NEDD4: variants seen among roughly 807,000 people sequenced by gnomAD.
NEDD4 encodes the protein E3 ubiquitin-protein ligase NEDD4.
In NEDD4, 99 loss-of-function variants were observed where a neutral mutation model predicts 144.9. The observed-to-expected ratio is 0.68, with a 90% confidence interval of 0.58 to 0.81. NEDD4 has a LOEUF of 0.81. Among genes scored for constraint, NEDD4 ranks in the 30% least tolerant of loss-of-function variants. NEDD4 has a pLI of 0.00. For synonymous variants in NEDD4, 318 were observed against 350.6 expected (o/e 0.91, Z 1.04); for missense variants, 985 against 1,065.9 (o/e 0.92, Z 1.06).
chr15:55,971,193 A>G (rs991258822), intron 1 of NEDD4, among the ~76,000 whole-genome samples: 8 of 152,246 alleles, frequency 5.3e-5, no homozygotes, highest in African/African-American at 1.2e-4. Flanking sequence ...GGCAGAATTG[A>G]TCACGCAGAA....
At chr15:55,873,629 C>A (rs2034885899) in intron 6 of NEDD4, among the ~76,000 whole-genome samples, 1 of 152,112 alleles carries the variant, frequency 6.6e-6, no homozygotes, top group Non-Finnish European at 1.5e-5. Flanking sequence ...TTGTCGTAAA[C>A]TATCTTAGTT....
At chr15:55,883,280 G>A (rs1313476207) in intron 5 of NEDD4, among the ~76,000 whole-genome samples, 1 of 152,184 alleles carries the variant, frequency 6.6e-6, no homozygotes, top group East Asian at 1.9e-4. Context: ...GGCAGGAGTG[G>A]CCACGGAGAG....
intron 5 of NEDD4, among the ~76,000 whole-genome samples, chr15:55,883,332 T>C (rs1442942154): frequency 6.6e-6 from 1 of 152,126 alleles, no homozygotes; most frequent in East Asian, 1.9e-4. Context: ...GGAAGAACTT[T>C]GTCTTATGGT....
In NEDD4 at chr15:55,916,801, C is replaced by A. The variant is rs1250155243; in HGVS notation, c.291+7845G>T. On this transcript the variant is annotated intron_variant, in intron 5 of 28. Coordinates refer to ENST00000435532, the MANE Select transcript of NEDD4 (RefSeq NM_006154.4). The stretch of plus-strand genomic sequence containing the variant: ...AAAGGGTAAGTATTGCTTCTTCTGG[C>A]TGCAAAGTGCAATCGTAAGCTTTGT... 3 of 1,608,178 alleles carry A rather than the reference C, an allele frequency of 1.9e-6. No individual in the cohort carries two copies. In the African/African-American group the frequency reaches 4.0e-5, roughly 21 times the overall value.
intron 22 of NEDD4, 78 bp from the exon 23 acceptor site, chr15:55,838,258 G>C (rs1299271559): frequency 9.9e-7 from 1 of 1,006,118 alleles, no homozygotes; most frequent in Non-Finnish European, 1.5e-6. Flanking sequence ...AGTTATACGA[G>C]AAACTTGGTG....
chr15:55,955,523 T>G (rs149317789), intron 2 of NEDD4, among the ~76,000 whole-genome samples: 4 of 152,144 alleles, frequency 2.6e-5, no homozygotes, highest in African/African-American at 9.7e-5. Context: ...TTTGATTCTA[T>G]GAATTTGACT....
chr15:55,912,333 A>T (rs529310500), intron 5 of NEDD4, among the ~76,000 whole-genome samples: 13 of 152,292 alleles, frequency 8.5e-5, no homozygotes, highest in African/African-American at 3.1e-4. Context: ...TCTTGAGATT[A>T]GTGTTAAAGG....
chr15:55,953,150 C>T (rs773418683), intron 2 of NEDD4, among the ~76,000 whole-genome samples: 1 of 151,594 alleles, frequency 6.6e-6, no homozygotes, highest in East Asian at 1.9e-4. Flanking sequence ...CCACCACGCC[C>T]GGCTAATTTT....
intron 4 of NEDD4, among the ~76,000 whole-genome samples, chr15:55,928,599 A>T (rs2142244088): frequency 6.6e-6 from 1 of 152,256 alleles, no homozygotes; most frequent in East Asian, 1.9e-4. Flanking sequence ...ACTTCTGAGC[A>T]TGTTAAGGTC....
At chr15:55,974,010 A>C (rs2037658610) in intron 1 of NEDD4, among the ~76,000 whole-genome samples, 1 of 152,128 alleles carries the variant, frequency 6.6e-6, no homozygotes, top group South Asian at 2.1e-4. Context: ...TTGAAAAGAT[A>C]AACAAAATAG....
At chr15:55,835,972 A>T (rs890089638) in intron 24 of NEDD4, among the ~76,000 whole-genome samples, 2 of 152,168 alleles carry the variant, frequency 1.3e-5, no homozygotes, top group Non-Finnish European at 2.9e-5. Flanking sequence ...GGCCCTGTAT[A>T]AGCTGGTCTG....
At chr15:55,956,408 CTA>C (rs2037338637) in intron 2 of NEDD4, among the ~76,000 whole-genome samples, 1 of 151,888 alleles carries the variant, frequency 6.6e-6, no homozygotes, top group Non-Finnish European at 1.5e-5. Context: ...GATTTTTTTC[CTA>C]TGTGTTCCTA....
chr15:55,886,625 G>T (rs1233007540), intron 5 of NEDD4, among the ~76,000 whole-genome samples: 1 of 151,938 alleles, frequency 6.6e-6, no homozygotes, highest in Non-Finnish European at 1.5e-5. Context: ...TTAGCAGAGC[G>T]TGCTGGTCTG....
intron 1 of NEDD4, among the ~76,000 whole-genome samples, chr15:55,970,289 G>A (rs1035694289): frequency 1.3e-5 from 2 of 152,136 alleles, no homozygotes; most frequent in African/African-American, 4.8e-5. Context: ...CTAATCCCAG[G>A]CCCCAACTCC....
chr15:55,917,135 C>G (rs2036475170), intron 5 of NEDD4: 1 of 1,118,502 alleles, frequency 8.9e-7, no homozygotes. Context: ...CTGCAGCACA[C>G]TGACTCAAAC....
intron 4 of NEDD4, among the ~76,000 whole-genome samples, chr15:55,930,330 T>C (rs1483035987): frequency 6.6e-6 from 1 of 152,158 alleles, no homozygotes; most frequent in Admixed American, 6.5e-5. Context: ...AATCACTGTA[T>C]GTTATCTATT....
chr15:55,987,782 T>C (rs2037917117), intron 1 of NEDD4: 1 of 85,868 alleles, frequency 1.2e-5, no homozygotes, highest in Admixed American at 1.2e-4. Context: ...CAGATAGTTG[T>C]AGATATGTGG....
chr15:55,833,843 A>AT (rs2033071808), intron 26 of NEDD4, among the ~76,000 whole-genome samples, 195 bp downstream of exon 26: 1 of 152,178 alleles, frequency 6.6e-6, no homozygotes, highest in Non-Finnish European at 1.5e-5. Flanking sequence ...CCTTCTGAAC[A>AT]TTTTACTTAC....
chr15:55,830,762 C>T (rs1471268226), intron 27 of NEDD4, among the ~76,000 whole-genome samples, 176 bp from the exon 28 acceptor site: 7 of 152,118 alleles, frequency 4.6e-5, no homozygotes, highest in South Asian at 2.1e-4. Flanking sequence ...TGCAGTGGTA[C>T]GATTCAAGCT....
Sources: gnomAD v4.1 joint callset for allele counts (sites outside exome capture counted in the v4.1 genomes callset) on GRCh38, gnomAD v4.1.1 for gene constraint, MANE v1.5 for transcripts, NCBI Gene and HGNC (gene_info 2026-07-23, HGNC 2026-07-21) for gene names.